MARCHF1: variants seen among roughly 807,000 people sequenced by gnomAD.
MARCHF1 encodes membrane associated ring-CH-type finger 1.
Under a neutral mutation model 54.2 loss-of-function variants are expected in MARCHF1, and 40 were observed. The ratio of observed to expected loss-of-function variants is 0.74; its 90% CI spans 0.57 to 0.96. The LOEUF (loss-of-function observed/expected upper bound fraction) is 0.96. MARCHF1 is among the 40% of genes least tolerant of loss of function. The pLI is 0.00. For missense variants in MARCHF1, 586 were observed against 656.5 expected (o/e 0.89, Z 1.17); for synonymous variants, 236 against 236.3 (o/e 1.00, Z 0.01).
chr4:164,145,543 A>C (rs951335853), intron 1 of MARCHF1, among the ~76,000 whole-genome samples: 2 of 152,156 alleles, frequency 1.3e-5, no homozygotes, highest in African/African-American at 4.8e-5. Flanking sequence ...AATGTAATCC[A>C]GCATATAAAC....
chr4:164,310,285 C>G (rs1734813842), intron 1 of MARCHF1, among the ~76,000 whole-genome samples: 1 of 151,936 alleles, frequency 6.6e-6, no homozygotes, highest in Non-Finnish European at 1.5e-5. Flanking sequence ...ACCATGTTGG[C>G]CAGGATGGTC....
intron 3 of MARCHF1, among the ~76,000 whole-genome samples, chr4:163,959,513 C>T (rs998004779): frequency 2.0e-5 from 3 of 151,826 alleles, no homozygotes; most frequent in Admixed American, 1.3e-4. Flanking sequence ...TAAAACCACA[C>T]GTTTATGACC....
chr4:163,581,301 A>C (rs1740224957), intron 8 of MARCHF1, among the ~76,000 whole-genome samples: 2 of 152,222 alleles, frequency 1.3e-5, no homozygotes, highest in South Asian at 4.1e-4. Context: ...ATGAAAATTG[A>C]ATTAGTTAAA....
intron 1 of MARCHF1, among the ~76,000 whole-genome samples, chr4:164,251,996 G>A (rs752073379): frequency 6.6e-6 from 1 of 151,916 alleles, no homozygotes; most frequent in Admixed American, 6.6e-5. Context: ...CAAAATAAAG[G>A]CTAAGGGAGA....
chr4:163,715,076 A>G (rs910143110), intron 4 of MARCHF1, among the ~76,000 whole-genome samples: 1 of 152,238 alleles, frequency 6.6e-6, no homozygotes, highest in African/African-American at 2.4e-5. Flanking sequence ...TAGAAGCCAC[A>G]AAGATAAAAC....
At chr4:163,751,827 T>TGTGTGA (rs1554010515) in intron 4 of MARCHF1, among the ~76,000 whole-genome samples, 46,395 of 151,308 alleles carry the variant, frequency 0.31, 8,528 homozygotes, top group Non-Finnish European at 0.43. Flanking sequence ...TGTGTGTGTG[T>TGTGTGA]GATGAGGAAA....
At chr4:164,364,684 C>A (rs1424190082) in intron 1 of MARCHF1, among the ~76,000 whole-genome samples, 2 of 151,316 alleles carry the variant, frequency 1.3e-5, no homozygotes, top group African/African-American at 2.4e-5. Context: ...TTCTCTTGAA[C>A]AATTTTCCTT....
intron 4 of MARCHF1, among the ~76,000 whole-genome samples, chr4:163,745,188 T>C (rs1746321337): frequency 6.6e-6 from 1 of 151,442 alleles, no homozygotes; most frequent in African/African-American, 2.4e-5. Context: ...TCTCAGCTCA[T>C]GGCAACCTCT....
intron 9 of MARCHF1, among the ~76,000 whole-genome samples, chr4:163,537,024 A>C (rs1322122731): frequency 6.6e-6 from 1 of 152,112 alleles, no homozygotes; most frequent in African/African-American, 2.4e-5. Context: ...GCTTGCCTTC[A>C]TACAAACTTA....
intron 2 of MARCHF1, among the ~76,000 whole-genome samples, chr4:164,064,704 G>A (rs1178106643): frequency 2.6e-5 from 4 of 152,194 alleles, no homozygotes; most frequent in African/African-American, 9.7e-5. Flanking sequence ...AGTGGTGAGA[G>A]AAGGCATCCT....
intron 1 of MARCHF1, among the ~76,000 whole-genome samples, chr4:164,172,497 C>T (rs1730553109): frequency 6.6e-6 from 1 of 152,104 alleles, no homozygotes. Flanking sequence ...TACGTCTCCC[C>T]TTCTTAGTTA....
intron 3 of MARCHF1, among the ~76,000 whole-genome samples, chr4:163,953,846 G>T (rs1219532658): frequency 6.6e-6 from 1 of 152,082 alleles, no homozygotes; most frequent in Non-Finnish European, 1.5e-5. Context: ...ATTGGCTTTG[G>T]CTGCATTTTT....
chr4:164,305,831 A>G (rs970318329), intron 1 of MARCHF1, among the ~76,000 whole-genome samples: 4 of 152,150 alleles, frequency 2.6e-5, no homozygotes, highest in Non-Finnish European at 5.9e-5. Flanking sequence ...TGATTTGGTC[A>G]TTACACATTG....
intron 4 of MARCHF1, among the ~76,000 whole-genome samples, chr4:163,832,257 G>A (rs1428499046): frequency 6.6e-6 from 1 of 150,564 alleles, no homozygotes; most frequent in Non-Finnish European, 1.5e-5. Context: ...TGAGAATAAA[G>A]AACAAATTAG....
At chr4:164,357,798 C>T (rs1366118971) in intron 1 of MARCHF1, among the ~76,000 whole-genome samples, 1 of 152,098 alleles carries the variant, frequency 6.6e-6, no homozygotes, top group Non-Finnish European at 1.5e-5. Flanking sequence ...CTCCCCAATA[C>T]CAACAGCATA....
intron 5 of MARCHF1, among the ~76,000 whole-genome samples, chr4:163,645,659 A>G (rs1371247619): frequency 6.6e-6 from 1 of 152,238 alleles, no homozygotes; most frequent in East Asian, 1.9e-4. Context: ...GAAGTTTAAT[A>G]AAGATATAAA....
At chr4:163,678,586 C>T (rs1160211220) in intron 5 of MARCHF1, among the ~76,000 whole-genome samples, 2 of 152,176 alleles carry the variant, frequency 1.3e-5, no homozygotes, top group Non-Finnish European at 2.9e-5. Context: ...ATCTCCTCTA[C>T]TATCCTGGAG....
At chr4:164,093,968 C>T (rs147998638) in intron 2 of MARCHF1, among the ~76,000 whole-genome samples, 54 of 152,004 alleles carry the variant, frequency 3.6e-4, no homozygotes, top group Non-Finnish European at 6.6e-4. Context: ...GTTCTGTGTT[C>T]GAAATAACTA....
intron 1 of MARCHF1, among the ~76,000 whole-genome samples, chr4:164,305,795 C>G (rs1734680596): frequency 6.6e-6 from 1 of 151,998 alleles, no homozygotes; most frequent in South Asian, 2.1e-4. Flanking sequence ...GACAAATGTT[C>G]CAGACGAAGA....
Sources: allele counts gnomAD v4.1 joint callset (sites outside exome capture counted in the v4.1 genomes callset), GRCh38; gene constraint gnomAD v4.1.1; transcripts MANE v1.5; gene names NCBI Gene and HGNC (gene_info 2026-07-23, HGNC 2026-07-21).